KCNQ5: variants seen among roughly 807,000 people sequenced by gnomAD.
KCNQ5 encodes potassium voltage-gated channel subfamily KQT member 5.
Under a neutral mutation model 98.2 loss-of-function variants are expected in KCNQ5, and 30 were observed. The observed-to-expected ratio is 0.31, with a 90% CI of 0.23 to 0.41. The LOEUF is 0.41. Among genes scored for constraint, KCNQ5 ranks in the 10% least tolerant of loss-of-function variants. The pLI is 1.00. For synonymous variants in KCNQ5, 458 were observed against 449.4 expected, an observed-to-expected ratio of 1.02 and a Z score of -0.24; for missense variants, 835 against 1,182.5, an observed-to-expected ratio of 0.71 and a Z score of 4.31.
chr6:73,178,174 C>T (rs1181244546), intron 11 of KCNQ5, among the ~76,000 whole-genome samples: 2 of 151,578 alleles, frequency 1.3e-5, no homozygotes, highest in African/African-American at 4.8e-5. Flanking sequence ...AACACAAAAT[C>T]CCCAAATTTA....
At chr6:73,056,714 T>G (rs914962329) in intron 3 of KCNQ5, among the ~76,000 whole-genome samples, 1 of 152,190 alleles carries the variant, frequency 6.6e-6, no homozygotes. Flanking sequence ...TGAGCATAAC[T>G]GTACTAAATC....
Position 72,960,555 on chromosome 6 carries a change from G to A in KCNQ5, c.399-43353G>A, listed in dbSNP as rs148985658. Among the ~76,000 whole-genome samples, 541 of 152,054 alleles carry A rather than the reference G, an allele frequency of 3.6e-3. 3 individuals are homozygous for A. The highest frequency in any genetic ancestry group is 0.012 in the African/African-American group (514 of 41,488). On this transcript the variant is annotated intron_variant, in intron 1 of 13. Coordinates refer to ENST00000370398, the MANE Select transcript of KCNQ5 (RefSeq NM_019842.4). ...AGTGATTCTCCTGCCTCGGCCTCCCGAGTAGCTGGGATTACAGGCACCCAC... is the reference window on the plus strand; with the variant it reads ...AGTGATTCTCCTGCCTCGGCCTCCCAAGTAGCTGGGATTACAGGCACCCAC...
intron 7 of KCNQ5, among the ~76,000 whole-genome samples, chr6:73,119,951 G>A (rs1775676095): frequency 1.3e-5 from 2 of 151,928 alleles, no homozygotes; most frequent in South Asian, 4.2e-4. Flanking sequence ...TTGAAAAGAA[G>A]CTCTGGCCAG....
chr6:73,093,462 G>T (rs983526117), intron 5 of KCNQ5, among the ~76,000 whole-genome samples: 1 of 152,010 alleles, frequency 6.6e-6, no homozygotes, highest in African/African-American at 2.4e-5. Context: ...GGTTTGGTTT[G>T]TTCTTGCTTC....
chr6:73,109,858 G>A (rs1042875415), intron 6 of KCNQ5, among the ~76,000 whole-genome samples: 5 of 152,142 alleles, frequency 3.3e-5, no homozygotes, highest in Non-Finnish European at 5.9e-5. Flanking sequence ...CATTGCTCAC[G>A]AATAGCAAAT....
intron 10 of KCNQ5, among the ~76,000 whole-genome samples, chr6:73,149,928 A>C (rs1777083881): frequency 6.6e-6 from 1 of 152,064 alleles, no homozygotes; most frequent in Non-Finnish European, 1.5e-5. Flanking sequence ...ATGAAAAAAC[A>C]AGCTGCAAAC....
intron 3 of KCNQ5, among the ~76,000 whole-genome samples, chr6:73,049,055 C>T (rs1265034062): frequency 6.6e-6 from 1 of 152,084 alleles, no homozygotes; most frequent in Non-Finnish European, 1.5e-5. Context: ...CAAAGTGGTG[C>T]CTGCAATTTG....
At chr6:72,757,820 T>G (rs1340040742) in intron 1 of KCNQ5, among the ~76,000 whole-genome samples, 1 of 152,132 alleles carries the variant, frequency 6.6e-6, no homozygotes. Flanking sequence ...GGATTTAAAT[T>G]CATTTCTAAG....
At chr6:73,074,572 C>T (rs150223503) in intron 3 of KCNQ5, among the ~76,000 whole-genome samples, 17 of 152,208 alleles carry the variant, frequency 1.1e-4, no homozygotes, top group African/African-American at 4.1e-4. Flanking sequence ...TCTAGGTTTT[C>T]TCTAATGAAC....
At chr6:72,694,213 G>A (rs186951192) in intron 1 of KCNQ5, among the ~76,000 whole-genome samples, 1 of 152,148 alleles carries the variant, frequency 6.6e-6, no homozygotes, top group African/African-American at 2.4e-5. Context: ...TCATTTCTGT[G>A]AGGAATAGCA....
chr6:72,861,704 A>C (rs2150153473), intron 1 of KCNQ5, among the ~76,000 whole-genome samples: 1 of 152,164 alleles, frequency 6.6e-6, no homozygotes, highest in East Asian at 1.9e-4. Flanking sequence ...GTCTGTTGTA[A>C]TTTTGAATTC....
At chr6:72,866,650 A>T (rs1778000342) in intron 1 of KCNQ5, among the ~76,000 whole-genome samples, 1 of 152,230 alleles carries the variant, frequency 6.6e-6, no homozygotes, top group Non-Finnish European at 1.5e-5. Context: ...AGTTAGACAC[A>T]TAGATCTGTC....
At chr6:73,162,862 C>T (rs960736662) in intron 10 of KCNQ5, among the ~76,000 whole-genome samples, 2 of 152,132 alleles carry the variant, frequency 1.3e-5, no homozygotes, top group Non-Finnish European at 2.9e-5. Context: ...TGGTTTCCTC[C>T]CATATCCCAA....
At chr6:72,946,098 G>A (rs1041637259) in intron 1 of KCNQ5, among the ~76,000 whole-genome samples, 96 of 152,292 alleles carry the variant, frequency 6.3e-4, no homozygotes, top group African/African-American at 2.3e-3. Flanking sequence ...CAGAGGTCAT[G>A]CAGATATCCA....
intron 2 of KCNQ5, among the ~76,000 whole-genome samples, chr6:73,020,739 T>C (rs1337900418): frequency 6.6e-6 from 1 of 151,892 alleles, no homozygotes; most frequent in African/African-American, 2.4e-5. Context: ...AAAAAGACAC[T>C]TATCACTTTG....
chr6:72,751,820 G>A (rs554433932), intron 1 of KCNQ5, among the ~76,000 whole-genome samples: 2 of 152,080 alleles, frequency 1.3e-5, no homozygotes, highest in African/African-American at 2.4e-5. Flanking sequence ...ATTATTACTC[G>A]AATCACTTTA....
chr6:73,080,918 G>A (rs1395477473), intron 5 of KCNQ5, among the ~76,000 whole-genome samples: 5 of 152,124 alleles, frequency 3.3e-5, no homozygotes, highest in Non-Finnish European at 7.4e-5. Context: ...GATCAGTGCT[G>A]CCCAAAAAAC....
At chr6:72,842,006 T>C (rs556218443) in intron 1 of KCNQ5, among the ~76,000 whole-genome samples, 1 of 152,268 alleles carries the variant, frequency 6.6e-6, no homozygotes, top group South Asian at 2.1e-4. Flanking sequence ...AGTATAAAAG[T>C]AACTTTAATC....
At chr6:72,818,072 T>TA (rs1337712434) in intron 1 of KCNQ5, among the ~76,000 whole-genome samples, 1 of 152,242 alleles carries the variant, frequency 6.6e-6, no homozygotes, top group African/African-American at 2.4e-5. Context: ...GTTAATTTTT[T>TA]AAAAAATCGA....
Sources: allele counts gnomAD v4.1 joint callset (sites outside exome capture counted in the v4.1 genomes callset), GRCh38; gene constraint gnomAD v4.1.1; transcripts MANE v1.5; gene names NCBI Gene and HGNC (gene_info 2026-07-23, HGNC 2026-07-21).